THSD7B: variants seen among roughly 807,000 people sequenced by gnomAD.
The protein encoded by THSD7B is thrombospondin type 1 domain containing 7B.
A neutral mutation model predicts 213.6 loss-of-function variants in THSD7B; 138 were observed. That is an observed-to-expected ratio of 0.65 (90% CI 0.56 to 0.74). The LOEUF (loss-of-function observed/expected upper bound fraction) is 0.74. Ranked by LOEUF, THSD7B falls within the 30% of genes least tolerant of loss-of-function variation. The pLI, the probability that THSD7B is intolerant of heterozygous loss-of-function variation, is 0.00. For synonymous variants in THSD7B, 742 were observed against 687.0 expected, an observed-to-expected ratio of 1.08 and a Z score of -1.25; for missense variants, 1,931 against 1,991.5, an observed-to-expected ratio of 0.97 and a Z score of 0.58.
chr2:137,228,749 A>G (rs1681573186), intron 7 of THSD7B, among the ~76,000 whole-genome samples: 1 of 152,170 alleles, frequency 6.6e-6, no homozygotes, highest in Admixed American at 6.6e-5. Flanking sequence ...TGAATCACGC[A>G]GTTGCAACTT....
chr2:137,131,141 A>T, intron 5 of THSD7B, among the ~76,000 whole-genome samples: 1 of 139,034 alleles, frequency 7.2e-6, no homozygotes, highest in Admixed American at 7.4e-5. Context: ...GATGGTGAGC[A>T]TTTTTTCATG....
chr2:137,568,185 T>C (rs73958889), intron 16 of THSD7B, among the ~76,000 whole-genome samples: 40,602 of 151,814 alleles, frequency 0.27, 5,534 homozygotes, highest in Middle Eastern at 0.37. Context: ...TAAGTGAGTT[T>C]AAGAGGTAAT....
intron 5 of THSD7B, among the ~76,000 whole-genome samples, chr2:137,140,361 A>G (rs1373028900): frequency 6.6e-6 from 1 of 152,184 alleles, no homozygotes; most frequent in Non-Finnish European, 1.5e-5. Flanking sequence ...CGAAGTATAC[A>G]GCATCCAGCT....
intron 12 of THSD7B, among the ~76,000 whole-genome samples, chr2:137,322,579 A>G (rs1459862985): frequency 6.6e-6 from 1 of 152,234 alleles, no homozygotes; most frequent in Non-Finnish European, 1.5e-5. Context: ...GTGTGGGACC[A>G]GGATTCAGGC....
In THSD7B at chr2:137,379,002, T is replaced by C. The variant is rs117952502; in HGVS notation, c.2501-26611T>C. On this transcript the variant is annotated intron_variant, in intron 12 of 27. Coordinates refer to ENST00000409968, the MANE Select transcript of THSD7B (RefSeq NM_001316349.2). The stretch of plus-strand genomic sequence containing the variant: ...TATTCTTGTCAGTCTTTATAAGTGA[T>C]ATGTTGAAGCCAAGAGCCCTATCTG... Among the ~76,000 whole-genome samples the C allele has an allele frequency of 3.3e-5, 5 of 152,342 alleles. No homozygotes were observed. The East Asian group carries it at 9.6e-4, about 29-fold the overall frequency.
chr2:136,944,234 G>A (rs1254641046), intron 2 of THSD7B, among the ~76,000 whole-genome samples: 1 of 152,194 alleles, frequency 6.6e-6, no homozygotes, highest in Admixed American at 6.5e-5. Context: ...TGATTGCACT[G>A]TGGTCTGAGA....
At chr2:137,248,185 A>G (rs1260295768) in intron 10 of THSD7B, among the ~76,000 whole-genome samples, 2 of 152,158 alleles carry the variant, frequency 1.3e-5, no homozygotes, top group African/African-American at 4.8e-5. Flanking sequence ...TATTATTATT[A>G]TTAGATGATA....
chr2:137,082,600 C>T (rs921100907), intron 3 of THSD7B, among the ~76,000 whole-genome samples: 6 of 152,076 alleles, frequency 3.9e-5, no homozygotes, highest in African/African-American at 1.2e-4. Context: ...GGCCATTCTA[C>T]AATTTTGCCA....
chr2:137,292,711 C>T (rs1683363536), intron 12 of THSD7B, among the ~76,000 whole-genome samples: 1 of 152,094 alleles, frequency 6.6e-6, no homozygotes, highest in South Asian at 2.1e-4. Context: ...CTGATGGTAA[C>T]TACCCATATT....
At chr2:137,072,669 C>T (rs1194944514) in intron 3 of THSD7B, among the ~76,000 whole-genome samples, 1 of 152,162 alleles carries the variant, frequency 6.6e-6, no homozygotes, top group African/African-American at 2.4e-5. Context: ...AGGGGGCGTC[C>T]CTGTCTTGTG....
chr2:137,639,093 C>T (rs1360156552), intron 20 of THSD7B, among the ~76,000 whole-genome samples: 2 of 151,370 alleles, frequency 1.3e-5, no homozygotes, highest in Non-Finnish European at 2.9e-5. Flanking sequence ...ATCCCCAAGA[C>T]CAAGGGGAAA....
chr2:137,565,723 A>G (rs187320236), intron 16 of THSD7B, among the ~76,000 whole-genome samples: 1 of 152,242 alleles, frequency 6.6e-6, no homozygotes, highest in Non-Finnish European at 1.5e-5. Flanking sequence ...ATCAAAATGA[A>G]GTGGAGGGCA....
intron 2 of THSD7B, among the ~76,000 whole-genome samples, chr2:136,897,148 G>T (rs1683974263): frequency 6.6e-6 from 1 of 152,036 alleles, no homozygotes; most frequent in Non-Finnish European, 1.5e-5. Flanking sequence ...TAGAGACAAG[G>T]TCTCACTGTG....
At chr2:137,338,621 A>G (rs1486425343) in intron 12 of THSD7B, among the ~76,000 whole-genome samples, 2 of 152,128 alleles carry the variant, frequency 1.3e-5, no homozygotes, top group Admixed American at 6.5e-5. Context: ...ATTAAATGCA[A>G]CAAAGTTTTT....
Position 137,264,787 on chromosome 2 carries a change from G to C in THSD7B, c.2267-7746G>C, listed in dbSNP as rs577379227. On this transcript the variant is annotated intron_variant, in intron 10 of 27. Coordinates refer to ENST00000409968, the MANE Select transcript of THSD7B (RefSeq NM_001316349.2). ...TTCACAAACAGGTTTGTTGAGGGACGCAAAAGAGCCTTCTTTTTTTTTTTA... is the reference window on the plus strand; with the variant it reads ...TTCACAAACAGGTTTGTTGAGGGACCCAAAAGAGCCTTCTTTTTTTTTTTA... Among the ~76,000 whole-genome samples, 4 of 151,136 alleles carry C rather than the reference G, an allele frequency of 2.6e-5. No homozygotes were observed. In the South Asian group the frequency reaches 8.3e-4, roughly 31 times the overall value.
chr2:137,619,188 A>T (rs1267448913), intron 19 of THSD7B, among the ~76,000 whole-genome samples: 1 of 152,240 alleles, frequency 6.6e-6, no homozygotes, highest in African/African-American at 2.4e-5. Context: ...AGATACTATC[A>T]CACTTCAAGA....
rs183214287 is a variant in THSD7B, at chr2:136,998,116, G to A, written c.140-58304G>A. Among the ~76,000 whole-genome samples the A allele has an allele frequency of 4.1e-3, 618 of 151,972 alleles. 7 individuals carry two copies. Among genetic ancestry groups the A allele is most frequent in the African/African-American group, 0.013 (556 of 41,466 alleles). On this transcript the variant is annotated intron_variant, in intron 2 of 27. Coordinates refer to ENST00000409968, the MANE Select transcript of THSD7B (RefSeq NM_001316349.2). ...AAAATCTGAAACCTCACTCAATGCC[G>A]TGGCCCCATCCAAGCTTTTTGCTAC... is the stretch of plus-strand genomic sequence containing the variant.
intron 15 of THSD7B, among the ~76,000 whole-genome samples, chr2:137,453,794 G>A (rs6709218): frequency 0.014 from 2,184 of 152,000 alleles, 52 homozygotes; most frequent in African/African-American, 0.05. Context: ...TCGGATAACC[G>A]CCATTCTACT....
chr2:136,924,861 G>T (rs1423318988), intron 2 of THSD7B, among the ~76,000 whole-genome samples: 1 of 152,082 alleles, frequency 6.6e-6, no homozygotes, highest in Non-Finnish European at 1.5e-5. Flanking sequence ...ATGGTTTGTA[G>T]TTTTTGGTGT....
Sources: allele counts gnomAD v4.1 joint callset (sites outside exome capture counted in the v4.1 genomes callset), GRCh38; gene constraint gnomAD v4.1.1; transcripts MANE v1.5; gene names NCBI Gene and HGNC (gene_info 2026-07-23, HGNC 2026-07-21).